The following PSG9 variants were observed in gnomAD, a reference collection of about 807,000 sequenced individuals.
The protein encoded by PSG9 is pregnancy specific beta-1-glycoprotein 9, also known as pregnancy-specific beta-1-glycoprotein 9.
In PSG9, 49 loss-of-function variants were observed where a neutral mutation model predicts 41.9. The ratio of observed to expected loss-of-function variants is 1.17; its 90% CI spans 0.93 to 1.48. The LOEUF (loss-of-function observed/expected upper bound fraction) is 1.48. Ranked by LOEUF, PSG9 falls within the 40% of genes most tolerant of loss-of-function variation. PSG9 has a pLI of 0.00. For missense variants in PSG9, 641 were observed against 520.3 expected (o/e 1.23, Z -2.26); for synonymous variants, 263 against 196.8 (o/e 1.34, Z -2.82).
rs542246467 is a variant in PSG9, at chr19:43,261,602, G to A, written c.709+258C>T. Among the ~76,000 whole-genome samples the A allele has an allele frequency of 3.9e-5, 6 of 152,286 alleles. 1 individual carries two copies. The highest frequency in any genetic ancestry group is 1.4e-4 in the African/African-American group (6 of 41,556). ...AATCCCTGCTGTGTTCACTGATCTG[G>A]AGCCTGAGACATTCACCTGTTTCTC... On this transcript the variant is annotated intron_variant, in intron 3 of 5. Transcript: ENST00000270077.
At chr19:43,256,529 G>T (rs540487249) in intron 5 of PSG9, among the ~76,000 whole-genome samples, 1 of 146,366 alleles carries the variant, frequency 6.8e-6, no homozygotes, top group African/African-American at 2.6e-5. Flanking sequence ...ATGAACAAAG[G>T]ATTAAAATAG....
chr19:43,269,475 G>C lies in PSG9; in HGVS notation c.-44C>G, dbSNP rs1969149269. ...GTTCTCCTCTGTGGAGATGAGCCTG[G>C]GATCCAGAAGCTGTCTGAGCACGGC... On this transcript the variant is annotated 5_prime_UTR_variant, in exon 1 of 6. Coordinates refer to ENST00000270077, the MANE Select transcript of PSG9 (RefSeq NM_002784.5). 8 of 1,609,790 alleles carry C rather than the reference G, an allele frequency of 5.0e-6. No individual in the cohort carries two copies. The highest frequency in any genetic ancestry group is 6.8e-6 in the Non-Finnish European group (8 of 1,177,292).
chr19:43,256,570 C>A (rs1040708766), intron 5 of PSG9, among the ~76,000 whole-genome samples: 6 of 146,142 alleles, frequency 4.1e-5, no homozygotes, highest in African/African-American at 1.6e-4. Flanking sequence ...TACAAATATC[C>A]AATAAGCCCA....
chr19:43,266,916 T>A (rs1968996433), intron 2 of PSG9, among the ~76,000 whole-genome samples: 1 of 152,184 alleles, frequency 6.6e-6, no homozygotes, highest in African/African-American at 2.4e-5. Context: ...GGACTGTGGC[T>A]TTTCATGCTA....
chr19:43,254,217 T>C (rs117855951), intron 5 of PSG9, among the ~76,000 whole-genome samples: 1 of 146,346 alleles, frequency 6.8e-6, no homozygotes, highest in Non-Finnish European at 1.5e-5. Context: ...CCCTGTCACA[T>C]AGACATTATT....
chr19:43,267,714 C>G, intron 2 of PSG9, 70 bp downstream of exon 2: 3 of 1,601,918 alleles, frequency 1.9e-6, no homozygotes, highest in South Asian at 1.1e-5. Context: ...CCAGGCCTGA[C>G]AATCCTGTGT....
intron 5 of PSG9, among the ~76,000 whole-genome samples, chr19:43,253,965 T>C (rs57511295): frequency 0.061 from 8,857 of 146,032 alleles, 1,657 homozygotes; most frequent in African/African-American, 0.19. Flanking sequence ...TAAATTACCT[T>C]GTATGTCTAA....
chr19:43,269,437 C>A lies in PSG9; in HGVS notation c.-6G>T, dbSNP rs963753201. The A allele has an allele frequency of 6.2e-7, 1 of 1,613,582 alleles. No homozygotes were observed. Among genetic ancestry groups the A allele is most frequent in the Non-Finnish European group, 8.5e-7 (1 of 1,179,658 alleles). On this transcript the variant is annotated 5_prime_UTR_variant, in exon 1 of 6. Coordinates refer to ENST00000270077, the MANE Select transcript of PSG9 (RefSeq NM_002784.5). ...GGGGCTGGGAGGGGCCCCATGGTCT[C>A]TGCTGCCTGTGTGTTCTCCTCTGTG...
At chr19:43,264,233 G>A (rs559987761) in intron 2 of PSG9, among the ~76,000 whole-genome samples, 1 of 152,040 alleles carries the variant, frequency 6.6e-6, no homozygotes, top group Non-Finnish European at 1.5e-5. Context: ...GTATGTTACA[G>A]CCTTTGTAGT....
chr19:43,269,308 G>C, intron 1 of PSG9, 60 bp downstream of exon 1: 1 of 1,611,250 alleles, frequency 6.2e-7, no homozygotes, highest in Non-Finnish European at 8.5e-7. Context: ...CTCTCCAGGA[G>C]ACCCCATCCA....
chr19:43,266,379 TG>T (rs1968968231), intron 2 of PSG9, among the ~76,000 whole-genome samples: 1 of 151,862 alleles, frequency 6.6e-6, no homozygotes, highest in Non-Finnish European at 1.5e-5. Flanking sequence ...AAAGAGGTTT[TG>T]GATCATTCAT....
intron 5 of PSG9, among the ~76,000 whole-genome samples, chr19:43,255,635 T>C (rs1968418996): frequency 6.8e-6 from 1 of 146,790 alleles, no homozygotes; most frequent in African/African-American, 2.6e-5. Flanking sequence ...CTAATTAGAA[T>C]TAATAAATAA....
intron 3 of PSG9, chr19:43,260,459 A>T (rs1968657552): frequency 6.7e-6 from 1 of 148,506 alleles, no homozygotes; most frequent in Non-Finnish European, 1.5e-5. Flanking sequence ...TTAGTAGGCA[A>T]AAGTGGGAGG....
chr19:43,254,900 T>C (rs1199525844), intron 5 of PSG9, among the ~76,000 whole-genome samples: 1 of 141,138 alleles, frequency 7.1e-6, no homozygotes, highest in Non-Finnish European at 1.5e-5. Context: ...CCAGCATAGG[T>C]AACCTGGGGA....
rs1968575943 is a variant in PSG9 at position 43,258,960 on chromosome 19, G to A, written c.885C>T (p.Leu295=). 1.3e-6 allele frequency: 2 copies of A among 1,590,312 alleles called. No individual in the cohort carries two copies. Among genetic ancestry groups the A allele is most frequent in the Admixed American group, 1.7e-5 (1 of 58,598 alleles). ...CATTTCTCGTGACACTGGGTAGAAT[G>A]AGTATCCTGTTTTCAATGGGTCGCT... ...GVKRPIENRI[L]ILPSVTRNET... is the part of the protein sequence containing the mutation. Residue 295 remains leucine, a synonymous_variant, in exon 4 of 6, where the codon CTC becomes CTT. Transcript: ENST00000270077.
At position 43,258,774 on chromosome 19, in the gene PSG9, C is replaced by T. The variant is rs200120455; in HGVS notation, c.988+83G>A. 155 of 1,543,240 alleles carry T rather than the reference C, an allele frequency of 1.0e-4. 27 individuals are homozygous for T. The East Asian group carries it at 2.2e-3, about 22-fold the overall frequency. ...GAAGTAAAGGTGTCTATACTTGGAC[C>T]GGAGAGAGACTGAGAGGCCTGGCAT... On this transcript the variant is annotated intron_variant, in intron 4 of 5. Coordinates refer to ENST00000270077, the MANE Select transcript of PSG9 (RefSeq NM_002784.5).
At chr19:43,268,947 C>A (rs1428956759) in intron 1 of PSG9, among the ~76,000 whole-genome samples, 1 of 152,146 alleles carries the variant, frequency 6.6e-6, no homozygotes, top group Non-Finnish European at 1.5e-5. Flanking sequence ...CCTCTTTTGA[C>A]CCCTGTCCCT....
chr19:43,257,423 C>G (rs1063062), intron 5 of PSG9: 1 of 977,368 alleles, frequency 1.0e-6, no homozygotes. Flanking sequence ...ATAACCCCAA[C>G]GGTGAATCTC....
chr19:43,266,333 G>C (rs1599839564), intron 2 of PSG9, among the ~76,000 whole-genome samples: 1 of 151,566 alleles, frequency 6.6e-6, no homozygotes, highest in Non-Finnish European at 1.5e-5. Flanking sequence ...GGTGTGGCTA[G>C]AACCTCCTAG....
Sources: gnomAD v4.1 joint callset for allele counts (sites outside exome capture counted in the v4.1 genomes callset) on GRCh38, gnomAD v4.1.1 for gene constraint, MANE v1.5 for transcripts, NCBI Gene and HGNC (gene_info 2026-07-23, HGNC 2026-07-21) for gene names.